Variants in SERPINB7 observed in about 807,000 individuals in gnomAD.
SERPINB7 encodes the protein serpin B7.
SERPINB7 carries 31 observed loss-of-function variants against 37.4 expected under a neutral mutation model. The observed-to-expected ratio is 0.83, with a 90% CI of 0.62 to 1.12. SERPINB7 has a LOEUF of 1.12. SERPINB7 is among the 50% of genes most tolerant of loss of function. SERPINB7 has a pLI of 0.00. For synonymous variants in SERPINB7, 163 were observed against 166.1 expected (o/e 0.98, Z 0.14); for missense variants, 521 against 455.3 (o/e 1.14, Z -1.31).
At chr18:63,793,060 T>C in intron 3 of SERPINB7, 101 bp from the exon 4 acceptor site, 1 of 523,874 alleles carries the variant, frequency 1.9e-6, no homozygotes, top group Middle Eastern at 5.5e-4. Flanking sequence ...TTAAAAAAAT[T>C]CTTTTATGGT....
chr18:63,796,457 G>C (rs1221635451), intron 5 of SERPINB7, 74 bp downstream of exon 5: 1 of 807,436 alleles, frequency 1.2e-6, no homozygotes, highest in Non-Finnish European at 2.1e-6. Flanking sequence ...AAAGCTGGGA[G>C]TCTTTTGTAC....
chr18:63,795,702 AT>A (rs1246067972), intron 4 of SERPINB7, among the ~76,000 whole-genome samples: 1 of 152,214 alleles, frequency 6.6e-6, no homozygotes, highest in African/African-American at 2.4e-5. Context: ...TATATGGGCC[AT>A]TTCAGGCAGA....
intron 1 of SERPINB7, among the ~76,000 whole-genome samples, chr18:63,755,137 C>T (rs2144579390): frequency 6.6e-6 from 1 of 152,034 alleles, no homozygotes; most frequent in East Asian, 1.9e-4. Flanking sequence ...ATCTCCTGAC[C>T]TCATGATCCA....
At chr18:63,753,585 C>G (rs1378998422) in intron 1 of SERPINB7, among the ~76,000 whole-genome samples, 3 of 152,166 alleles carry the variant, frequency 2.0e-5, no homozygotes, top group African/African-American at 7.2e-5. Flanking sequence ...TTGATATTTA[C>G]AAGCTAGTTT....
chr18:63,770,259 C>A (rs965677318), intron 1 of SERPINB7, among the ~76,000 whole-genome samples: 1 of 151,112 alleles, frequency 6.6e-6, no homozygotes. Context: ...ATTATAGCTG[C>A]AGGGTGTGGT....
intron 1 of SERPINB7, among the ~76,000 whole-genome samples, chr18:63,753,780 CA>C (rs1362643965): frequency 6.6e-6 from 1 of 152,020 alleles, no homozygotes; most frequent in Non-Finnish European, 1.5e-5. Context: ...TTTGAGGTTT[CA>C]AAAAAATTTT....
At chr18:63,769,782 T>A (rs1050864614) in intron 1 of SERPINB7, among the ~76,000 whole-genome samples, 1 of 152,090 alleles carries the variant, frequency 6.6e-6, no homozygotes, top group Non-Finnish European at 1.5e-5. Flanking sequence ...TTTTCACAGA[T>A]TAATGGAACA....
chr18:63,765,758 A>C (rs1430943729), intron 1 of SERPINB7, among the ~76,000 whole-genome samples: 4 of 152,176 alleles, frequency 2.6e-5, no homozygotes, highest in African/African-American at 9.7e-5. Flanking sequence ...TTACAATCTA[A>C]ATAAGTGATT....
chr18:63,795,265 G>C (rs2049474524), intron 4 of SERPINB7, among the ~76,000 whole-genome samples: 1 of 152,120 alleles, frequency 6.6e-6, no homozygotes, highest in African/African-American at 2.4e-5. Context: ...CAGACTGTTA[G>C]GAAATGTAGG....
intron 1 of SERPINB7, among the ~76,000 whole-genome samples, chr18:63,776,346 C>A (rs955992872): frequency 6.6e-6 from 1 of 151,960 alleles, no homozygotes; most frequent in East Asian, 1.9e-4. Context: ...GCAGTTATAT[C>A]CGTGGCTTAG....
At chr18:63,799,671 T>A (rs2049526327) in intron 6 of SERPINB7, among the ~76,000 whole-genome samples, 1 of 152,180 alleles carries the variant, frequency 6.6e-6, no homozygotes, top group Non-Finnish European at 1.5e-5. Flanking sequence ...GTCTATCACA[T>A]CCCAGTCCCC....
At chr18:63,787,804 C>G (rs77058004) in intron 2 of SERPINB7, among the ~76,000 whole-genome samples, 1 of 152,112 alleles carries the variant, frequency 6.6e-6, no homozygotes, top group African/African-American at 2.4e-5. Flanking sequence ...ATTCTTTTTA[C>G]GAGGTACAGT....
chr18:63,760,126 G>A (rs2049144824), intron 1 of SERPINB7, among the ~76,000 whole-genome samples: 1 of 152,202 alleles, frequency 6.6e-6, no homozygotes, highest in Non-Finnish European at 1.5e-5. Context: ...TTGATGAATG[G>A]CTTTGCCCAA....
At chr18:63,798,484 T>C (rs2049511241) in intron 5 of SERPINB7, 120 bp from the exon 6 acceptor site, 3 of 712,708 alleles carry the variant, frequency 4.2e-6, no homozygotes, top group Non-Finnish European at 6.7e-6. Flanking sequence ...TTATTCTTAA[T>C]ATTCTTATTG....
Position 63,755,054 on chromosome 18 carries a change from C to A in SERPINB7, c.-19+1934C>A, listed in dbSNP as rs573181964. Reference sequence around the variant, plus strand: ...AGCTGGGACTACAGGCGCCCGCCACCGCGCCCGGCTAATTTTTTGTATTTT... The same window carrying A: ...AGCTGGGACTACAGGCGCCCGCCACAGCGCCCGGCTAATTTTTTGTATTTT... On this transcript the variant is annotated intron_variant, in intron 1 of 7. Transcript: ENST00000336429. Among the ~76,000 whole-genome samples, 1,070 of 151,992 alleles carry A rather than the reference C, an allele frequency of 7.0e-3. 2 individuals carry two copies. Among genetic ancestry groups the A allele is most frequent in the African/African-American group, 0.023 (972 of 41,490 alleles).
At chr18:63,787,771 C>A (rs1275861949) in intron 2 of SERPINB7, among the ~76,000 whole-genome samples, 2 of 152,142 alleles carry the variant, frequency 1.3e-5, no homozygotes, top group Non-Finnish European at 2.9e-5. Context: ...CCTTTCTCTG[C>A]AAGGCTTCAC....
chr18:63,791,342 T>C (rs909072503), intron 2 of SERPINB7, among the ~76,000 whole-genome samples: 1 of 152,212 alleles, frequency 6.6e-6, no homozygotes, highest in Non-Finnish European at 1.5e-5. Context: ...TTTTAGAGCC[T>C]ATTTAAGTAA....
chr18:63,755,857 G>T (rs2049118963), intron 1 of SERPINB7, among the ~76,000 whole-genome samples: 1 of 152,264 alleles, frequency 6.6e-6, no homozygotes, highest in South Asian at 2.1e-4. Context: ...TGATGCCACT[G>T]TGCCCCAGCC....
rs746145064 is a variant in SERPINB7, at chr18:63,804,478, T to G, written c.986T>G (p.Val329Gly). 1.4e-5 allele frequency: 22 copies of G among 1,613,574 alleles called. No homozygotes were observed. Among genetic ancestry groups the G allele is most frequent in the Non-Finnish European group, 1.5e-5 (18 of 1,179,860 alleles). ...SRMMHKSYIE[V>G]TEEGTEATAA... The stretch of plus-strand genomic sequence containing the variant: ...ATGATGCACAAATCTTACATAGAGG[T>G]CACTGAGGAGGGCACCGAGGCTACT... The change falls in exon 8 of 8, where the codon GTC (valine) becomes GGC (glycine). Residue 329 changes from valine to glycine, a missense_variant. Val to Gly is a moderately radical substitution (Grantham distance 109). Transcript: ENST00000398019.
Sources: gnomAD v4.1 joint callset for allele counts (sites outside exome capture counted in the v4.1 genomes callset) on GRCh38, gnomAD v4.1.1 for gene constraint, MANE v1.5 for transcripts, NCBI Gene and HGNC (gene_info 2026-07-23, HGNC 2026-07-21) for gene names.